The following CSMD2 variants were observed in gnomAD, a reference collection of about 807,000 sequenced individuals.
The protein encoded by CSMD2 is CUB and Sushi multiple domains 2.
A neutral mutation model predicts 398.5 loss-of-function variants in CSMD2; 130 were observed. The observed-to-expected ratio is 0.33, with a 90% CI of 0.28 to 0.38. CSMD2 has a LOEUF of 0.38. Ranked by LOEUF, CSMD2 falls within the 10% of genes least tolerant of loss-of-function variation. The pLI is 1.00. For synonymous variants in CSMD2, 1,828 were observed against 1,908.5 expected (o/e 0.96, Z 1.10); for missense variants, 3,829 against 4,764.9 (o/e 0.80, Z 5.78).
At chr1:34,092,772 C>A (rs373055978) in intron 1 of CSMD2, among the ~76,000 whole-genome samples, 3 of 152,116 alleles carry the variant, frequency 2.0e-5, no homozygotes, top group African/African-American at 4.8e-5. Context: ...CACGGAGTCT[C>A]GCTGATTGCT....
intron 3 of CSMD2, among the ~76,000 whole-genome samples, chr1:34,006,265 G>GATTA (rs953438502): frequency 2.4e-4 from 37 of 152,254 alleles, no homozygotes; most frequent in African/African-American, 8.4e-4. Flanking sequence ...TTAACTCAGA[G>GATTA]ATTAATATCT....
intron 57 of CSMD2, among the ~76,000 whole-genome samples, chr1:33,543,273 C>G (rs981993410): frequency 1.3e-5 from 2 of 152,212 alleles, no homozygotes; most frequent in African/African-American, 4.8e-5. Flanking sequence ...CCACACATGA[C>G]ATTTGGTTGA....
chr1:33,859,157 A>T (rs773209114), intron 5 of CSMD2, among the ~76,000 whole-genome samples: 1 of 152,238 alleles, frequency 6.6e-6, no homozygotes, highest in Non-Finnish European at 1.5e-5. Flanking sequence ...TTAAGGGCTT[A>T]AAGAACACAA....
chr1:33,664,782 G>A (rs753445151), intron 25 of CSMD2, among the ~76,000 whole-genome samples: 1 of 151,896 alleles, frequency 6.6e-6, no homozygotes, highest in Non-Finnish European at 1.5e-5. Flanking sequence ...CAGCCTGGGC[G>A]ACACAGCGAG....
At chr1:33,526,989 G>C (rs1012061292) in intron 65 of CSMD2, among the ~76,000 whole-genome samples, 4 of 152,188 alleles carry the variant, frequency 2.6e-5, no homozygotes, top group African/African-American at 4.8e-5. Flanking sequence ...CTTTCTTCCA[G>C]ATGAAGTTTC....
chr1:33,853,050 A>G (rs2125094136), intron 5 of CSMD2, among the ~76,000 whole-genome samples: 1 of 152,370 alleles, frequency 6.6e-6, no homozygotes, highest in African/African-American at 2.4e-5. Context: ...ATTTCTAAGT[A>G]GGGAATCATA....
chr1:33,947,480 T>G (rs540155731), intron 3 of CSMD2, among the ~76,000 whole-genome samples: 1 of 152,290 alleles, frequency 6.6e-6, no homozygotes, highest in African/African-American at 2.4e-5. Flanking sequence ...TCCACGGCCC[T>G]GAAGCCCCAG....
At chr1:33,618,752 G>A (rs1189656205) in intron 37 of CSMD2, among the ~76,000 whole-genome samples, 2 of 151,962 alleles carry the variant, frequency 1.3e-5, no homozygotes, top group African/African-American at 4.8e-5. Flanking sequence ...CCTTCAAGCA[G>A]GTCTTCACAT....
rs1263593425 is a variant in CSMD2 at position 33,973,517 on chromosome 1, A to AG, written c.518-37564dup. ...TTGAATCAGAAAAGCTTCCTGCCCC[A>AG]GGGGACTCCCAGGTCAGGGTACAAG... is the stretch of plus-strand genomic sequence containing the variant. On this transcript the variant is annotated intron_variant, in intron 3 of 70. Transcript: ENST00000373381. Among the ~76,000 whole-genome samples the AG allele has an allele frequency of 2.0e-5, 3 of 152,314 alleles. No individual in the cohort carries two copies. The East Asian group carries it at 5.8e-4, about 29-fold the overall frequency.
intron 4 of CSMD2, among the ~76,000 whole-genome samples, chr1:33,931,979 G>C (rs978656567): frequency 2.0e-5 from 3 of 152,222 alleles, no homozygotes; most frequent in Non-Finnish European, 4.4e-5. Flanking sequence ...CATCTGAAGA[G>C]CAACAGAGAT....
chr1:33,615,216 C>T (rs980845812), intron 39 of CSMD2, among the ~76,000 whole-genome samples: 1 of 152,190 alleles, frequency 6.6e-6, no homozygotes, highest in African/African-American at 2.4e-5. Context: ...GACCCAGGGG[C>T]TTAGGGACAT....
chr1:34,132,068 C>T (rs1663406494), intron 1 of CSMD2, among the ~76,000 whole-genome samples: 1 of 152,116 alleles, frequency 6.6e-6, no homozygotes, highest in South Asian at 2.1e-4. Context: ...ACCCAAGCAG[C>T]TTGCATGTCC....
chr1:33,711,712 G>A (rs1645996543), intron 21 of CSMD2, among the ~76,000 whole-genome samples: 1 of 152,160 alleles, frequency 6.6e-6, no homozygotes, highest in African/African-American at 2.4e-5. Context: ...CCTTAAACAT[G>A]GGCTTGGGTG....
At chr1:33,882,237 G>C (rs1641285436) in intron 5 of CSMD2, 1 of 152,298 alleles carries the variant, frequency 6.6e-6, no homozygotes, top group Non-Finnish European at 1.5e-5. Context: ...AGGCAAATGT[G>C]AGTACTGGTA....
chr1:34,012,230 C>T (rs1303117197), intron 3 of CSMD2, among the ~76,000 whole-genome samples: 1 of 152,180 alleles, frequency 6.6e-6, no homozygotes, highest in African/African-American at 2.4e-5. Flanking sequence ...GAGCCTTGCC[C>T]TTGCTCTTCC....
intron 16 of CSMD2, 152 bp from the exon 17 acceptor site, chr1:33,725,688 G>T: frequency 1.6e-6 from 1 of 641,892 alleles, no homozygotes; most frequent in Non-Finnish European, 2.7e-6. Context: ...CACTAGCGAT[G>T]CAGAAGGACC....
At chr1:33,773,154 T>C (rs1490846713) in intron 12 of CSMD2, among the ~76,000 whole-genome samples, 3 of 152,112 alleles carry the variant, frequency 2.0e-5, no homozygotes, top group African/African-American at 7.2e-5. Context: ...TTTGGAGACT[T>C]CCTCACTGAA....
intron 52 of CSMD2, among the ~76,000 whole-genome samples, chr1:33,568,856 G>T (rs546769135): frequency 2.0e-5 from 3 of 152,214 alleles, no homozygotes; most frequent in African/African-American, 7.2e-5. Flanking sequence ...GTCCAAGAAA[G>T]GTGTGAGAGG....
chr1:33,593,476 T>A (rs970653451), intron 44 of CSMD2, among the ~76,000 whole-genome samples: 3 of 152,224 alleles, frequency 2.0e-5, no homozygotes, highest in African/African-American at 4.8e-5. Flanking sequence ...GAAAGGCATG[T>A]CTCACATGGT....
Sources: gnomAD v4.1 joint callset for allele counts (sites outside exome capture counted in the v4.1 genomes callset) on GRCh38, gnomAD v4.1.1 for gene constraint, MANE v1.5 for transcripts, NCBI Gene and HGNC (gene_info 2026-07-23, HGNC 2026-07-21) for gene names.